TNIK: variants seen among roughly 807,000 people sequenced by gnomAD.
The protein encoded by TNIK is TRAF2 and NCK interacting kinase, also known as TRAF2 and NCK-interacting protein kinase.
Under a neutral mutation model 191.3 loss-of-function variants are expected in TNIK, and 49 were observed. The observed-to-expected ratio is 0.26, with a 90% CI of 0.20 to 0.32. TNIK has a LOEUF of 0.32. TNIK is among the 10% of genes least tolerant of loss of function. The pLI is 1.00. For synonymous variants in TNIK, 594 were observed against 600.9 expected (o/e 0.99, Z 0.17); for missense variants, 1,155 against 1,702.3 (o/e 0.68, Z 5.66).
intron 3 of TNIK, among the ~76,000 whole-genome samples, chr3:171,211,566 C>A (rs1740825599): frequency 6.6e-6 from 1 of 152,126 alleles, no homozygotes; most frequent in Non-Finnish European, 1.5e-5. Flanking sequence ...CCTCTGGGAA[C>A]TACATCCATC....
intron 28 of TNIK, among the ~76,000 whole-genome samples, chr3:171,077,058 T>C (rs1163589261): frequency 6.6e-6 from 1 of 151,892 alleles, no homozygotes; most frequent in Non-Finnish European, 1.5e-5. Flanking sequence ...CATGGTTACA[T>C]TTCCTTTCTT....
At chr3:171,279,633 C>T (rs1388502962) in intron 2 of TNIK, among the ~76,000 whole-genome samples, 6 of 152,160 alleles carry the variant, frequency 3.9e-5, no homozygotes, top group Non-Finnish European at 5.9e-5. Flanking sequence ...CTTTGAGCTG[C>T]TCTATCCAAG....
At chr3:171,213,017 G>A (rs1307322423) in intron 3 of TNIK, among the ~76,000 whole-genome samples, 1 of 152,056 alleles carries the variant, frequency 6.6e-6, no homozygotes, top group African/African-American at 2.4e-5. Flanking sequence ...GAAGCATGTG[G>A]CCGAAACAGT....
At chr3:171,350,774 T>C (rs375781404) in intron 2 of TNIK, among the ~76,000 whole-genome samples, 17 of 152,116 alleles carry the variant, frequency 1.1e-4, no homozygotes, top group Non-Finnish European at 1.6e-4. Flanking sequence ...CTAGGTACTA[T>C]TATTCCTAAA....
intron 1 of TNIK, among the ~76,000 whole-genome samples, chr3:171,386,349 T>C (rs1455280322): frequency 6.6e-6 from 1 of 152,224 alleles, no homozygotes; most frequent in Non-Finnish European, 1.5e-5. Flanking sequence ...AAAGCCTATT[T>C]TCCATAAAAA....
intron 9 of TNIK, among the ~76,000 whole-genome samples, chr3:171,168,673 C>A (rs560977108): frequency 6.6e-6 from 1 of 152,226 alleles, no homozygotes; most frequent in South Asian, 2.1e-4. Context: ...CTTGGGGTTG[C>A]CCCAGGATGA....
At chr3:171,173,104 G>T (rs1458667688) in intron 9 of TNIK, among the ~76,000 whole-genome samples, 1 of 151,930 alleles carries the variant, frequency 6.6e-6, no homozygotes, top group Non-Finnish European at 1.5e-5. Context: ...AGGAGATGTG[G>T]CCAGGCGCGG....
intron 4 of TNIK, among the ~76,000 whole-genome samples, chr3:171,201,331 G>A (rs970091906): frequency 3.3e-5 from 5 of 152,074 alleles, no homozygotes; most frequent in African/African-American, 9.7e-5. Context: ...CCCAGGCTGC[G>A]AAGGTTGTGG....
intron 1 of TNIK, among the ~76,000 whole-genome samples, chr3:171,459,675 TAC>T (rs58614773): frequency 0.027 from 3,997 of 146,202 alleles, 172 homozygotes; most frequent in African/African-American, 0.092. Flanking sequence ...CCGGGGCGTG[TAC>T]ACACACACAC....
In TNIK at chr3:171,146,092, A is replaced by C. The variant is rs77809985; in HGVS notation, c.1222-5583T>G. ...CTGATGGACAACATGAATCTCAACC[A>C]CTTCACATCTGTCTCTTTTCTCATG... On this transcript the variant is annotated intron_variant, in intron 12 of 32. Transcript: ENST00000436636. Among the ~76,000 whole-genome samples, 406 of 152,150 alleles carry C rather than the reference A, an allele frequency of 2.7e-3. 4 individuals are homozygous for C. The East Asian group carries it at 0.031, about 12-fold the overall frequency.
chr3:171,134,672 A>T (rs975499188), intron 15 of TNIK, among the ~76,000 whole-genome samples: 1 of 152,192 alleles, frequency 6.6e-6, no homozygotes, highest in African/African-American at 2.4e-5. Flanking sequence ...ACTCAGTAAA[A>T]GGAGGGAGAG....
At position 171,160,276 on chromosome 3, in the gene TNIK, A is replaced by G. The variant is rs142270956; in HGVS notation, c.1016+994T>C. Reference sequence around the variant, plus strand: ...TCTGAAAGCTCAGTTCCATCTTCTTATAGAAGCTTAGCAAGAATCCAGCTC... The same window carrying G: ...TCTGAAAGCTCAGTTCCATCTTCTTGTAGAAGCTTAGCAAGAATCCAGCTC... On this transcript the variant is annotated intron_variant, in intron 11 of 32. Coordinates refer to ENST00000436636, the MANE Select transcript of TNIK (RefSeq NM_015028.4). Among the ~76,000 whole-genome samples the G allele has an allele frequency of 4.3e-3, 654 of 152,292 alleles. 8 individuals carry two copies. The highest frequency in any genetic ancestry group is 0.015 in the African/African-American group (621 of 41,564).
At chr3:171,440,945 A>T (rs1726728368) in intron 1 of TNIK, among the ~76,000 whole-genome samples, 1 of 152,214 alleles carries the variant, frequency 6.6e-6, no homozygotes, top group African/African-American at 2.4e-5. Context: ...CAGGAGGAAT[A>T]AGTTATTTGA....
intron 2 of TNIK, among the ~76,000 whole-genome samples, chr3:171,282,331 A>C (rs535951151): frequency 2.5e-5 from 3 of 119,006 alleles, no homozygotes; most frequent in African/African-American, 9.6e-5. Flanking sequence ...GATTCTCTTA[A>C]TGGTTTTTTG....
rs1289338304 is a variant in TNIK, at chr3:171,434,126, GGGTTTTGCCA to G, written c.57+25871_57+25880del. 3.3e-5 allele frequency among the ~76,000 whole-genome samples: 5 copies of G among 151,744 alleles called. No individual in the cohort carries two copies. In the East Asian group the frequency reaches 9.7e-4, roughly 30 times the overall value. On this transcript the variant is annotated intron_variant, in intron 1 of 32. Transcript: ENST00000436636. ...TTATTTTGTATTTTTAGTAGAGGCA[GGGTTTTGCCA>G]TATTGGCCAGACTGGTCTCGAACTC...
intron 28 of TNIK, among the ~76,000 whole-genome samples, chr3:171,076,675 C>T (rs1054362053): frequency 2.0e-5 from 3 of 152,110 alleles, no homozygotes; most frequent in African/African-American, 7.2e-5. Context: ...TTTAAAAAGC[C>T]AAAGAACTCT....
At chr3:171,295,290 A>G (rs1752162445) in intron 2 of TNIK, among the ~76,000 whole-genome samples, 1 of 152,302 alleles carries the variant, frequency 6.6e-6, no homozygotes, top group Admixed American at 6.5e-5. Context: ...AGGAACCATC[A>G]TTTCTCAGAA....
intron 9 of TNIK, among the ~76,000 whole-genome samples, chr3:171,169,043 AT>A (rs1320019693): frequency 6.6e-6 from 1 of 152,190 alleles, no homozygotes; most frequent in Non-Finnish European, 1.5e-5. Flanking sequence ...TGCCAGAAAA[AT>A]GTAATGAAAT....
At chr3:171,140,127 A>C (rs1470515962) in intron 13 of TNIK, among the ~76,000 whole-genome samples, 1 of 152,220 alleles carries the variant, frequency 6.6e-6, no homozygotes, top group Non-Finnish European at 1.5e-5. Flanking sequence ...TTCATGCTTC[A>C]GTGCTACCTT....
Sources: gnomAD v4.1 joint callset for allele counts (sites outside exome capture counted in the v4.1 genomes callset) on GRCh38, gnomAD v4.1.1 for gene constraint, MANE v1.5 for transcripts, NCBI Gene and HGNC (gene_info 2026-07-23, HGNC 2026-07-21) for gene names.